SWT1: variants seen among roughly 807,000 people sequenced by gnomAD.
The protein encoded by SWT1 is SWT1 RNA endoribonuclease homolog, also known as transcriptional protein SWT1.
Under a neutral mutation model 107.3 loss-of-function variants are expected in SWT1, and 33 were observed. The ratio of observed to expected loss-of-function variants is 0.31; its 90% confidence interval spans 0.23 to 0.41. SWT1 has a LOEUF of 0.41. SWT1 is among the 10% of genes least tolerant of loss of function. SWT1 has a pLI of 1.00. For missense variants in SWT1, 898 were observed against 1,028.9 expected, an observed-to-expected ratio of 0.87 and a Z score of 1.74; for synonymous variants, 345 against 348.3, an observed-to-expected ratio of 0.99 and a Z score of 0.11.
At chr1:185,281,392 AAGTCAG>A (rs1207458356) in intron 18 of SWT1, 198 of 234,750 alleles carry the variant, frequency 8.4e-4, no homozygotes, top group African/African-American at 4.3e-3. Context: ...GAAGCTGAGG[AAGTCAG>A]AGTCAAACAC....
intron 5 of SWT1, among the ~76,000 whole-genome samples, chr1:185,179,946 G>A (rs1481361981): frequency 6.6e-6 from 1 of 152,220 alleles, no homozygotes; most frequent in Non-Finnish European, 1.5e-5. Flanking sequence ...AGTACTTCGG[G>A]AAGCTGAGGC....
intron 16 of SWT1, among the ~76,000 whole-genome samples, chr1:185,255,035 G>A (rs1235888185): frequency 4.0e-5 from 6 of 151,772 alleles, no homozygotes; most frequent in African/African-American, 1.5e-4. Flanking sequence ...ATTTCGTTAT[G>A]TACCCAGTAG....
chr1:185,279,924 T>G (rs1187750466), intron 18 of SWT1, among the ~76,000 whole-genome samples: 3 of 152,068 alleles, frequency 2.0e-5, no homozygotes, highest in Non-Finnish European at 4.4e-5. Context: ...TTTTAAAGCA[T>G]TAGTTGTAAA....
chr1:185,184,763 A>C lies in SWT1; in HGVS notation c.1261A>C (p.Ile421Leu). The change falls in exon 9 of 19, where the codon ATA becomes CTA. Residue 421 changes from isoleucine (I) to leucine (L), a missense_variant. Physicochemically the swap from Ile to Leu is conservative, Grantham distance 5 (BLOSUM62 2). Coordinates refer to ENST00000367500, the MANE Select transcript of SWT1 (RefSeq NM_017673.7). ...EVPGFDKLVL[I>L]IPWVVMQELD... Reference sequence around the variant, plus strand: ...TTTAGGTTTTGACAAACTTGTGTTAATAATTCCCTGGGTCGTTATGCAAGA... The same window carrying C: ...TTTAGGTTTTGACAAACTTGTGTTACTAATTCCCTGGGTCGTTATGCAAGA... 2 of 1,609,216 alleles carry C rather than the reference A, an allele frequency of 1.2e-6. No individual in the cohort carries two copies. Among genetic ancestry groups the C allele is most frequent in the South Asian group, 2.2e-5 (2 of 89,846 alleles).
chr1:185,190,125 GGCGTGAGCCACTGTGCCCA>G (rs1448764236), intron 9 of SWT1, among the ~76,000 whole-genome samples: 9 of 152,222 alleles, frequency 5.9e-5, no homozygotes, highest in Non-Finnish European at 1.2e-4. Context: ...TGGGATTACA[GGCGTGAGCCACTGTGCCCA>G]GCTGAGATAT....
chr1:185,283,935 T>G (rs1477134056), intron 18 of SWT1, among the ~76,000 whole-genome samples: 2 of 152,212 alleles, frequency 1.3e-5, no homozygotes, highest in East Asian at 3.8e-4. Context: ...ATAAGTAGTA[T>G]TGCTCTTTGT....
rs6698109 is a variant in SWT1, at chr1:185,202,737, A to G, written c.1607A>G (p.His536Arg). 0.34 allele frequency: 542,560 copies of G among 1,600,332 alleles called. 94,217 individuals are homozygous for G. Among genetic ancestry groups the G allele is most frequent in the South Asian group, 0.36 (31,953 of 88,764 alleles). Residue 536 changes from histidine to arginine, a missense_variant, in exon 11 of 19, where the codon CAC (histidine) becomes CGC (arginine). Coordinates refer to ENST00000367500, the MANE Select transcript of SWT1 (RefSeq NM_017673.7). ...GAAGAATTGAGTGCAGAGTTATTAC[A>G]CTTATCTCTGAACACAGATGTGTGT... is the stretch of plus-strand genomic sequence containing the variant. The part of the protein sequence containing the change: ...SKEELSAELL[H>R]LSLNTDVCHQ...
chr1:185,162,033 A>G (rs1654192265), intron 2 of SWT1, among the ~76,000 whole-genome samples: 1 of 152,150 alleles, frequency 6.6e-6, no homozygotes, highest in Admixed American at 6.5e-5. Flanking sequence ...TTCCTTGCTT[A>G]CTTACTAACT....
At chr1:185,290,047 T>A (rs1331145316) in intron 18 of SWT1, among the ~76,000 whole-genome samples, 1 of 152,026 alleles carries the variant, frequency 6.6e-6, no homozygotes, top group Non-Finnish European at 1.5e-5. Context: ...GGAGAATTGC[T>A]TGAGCCCAGG....
At chr1:185,168,108 A>T (rs1654738369) in intron 3 of SWT1, among the ~76,000 whole-genome samples, 1 of 152,158 alleles carries the variant, frequency 6.6e-6, no homozygotes, top group Admixed American at 6.6e-5. Context: ...AGTCAGACAG[A>T]TCTATTTACA....
At chr1:185,191,629 CTATCTATGAGTTTTAAAT>C (rs1239552350) in intron 10 of SWT1, among the ~76,000 whole-genome samples, 1 of 151,992 alleles carries the variant, frequency 6.6e-6, no homozygotes, top group East Asian at 1.9e-4. Context: ...TTGGAGCTTT[CTATCTATGAGTTTTAAAT>C]TATATTTTGA....
intron 13 of SWT1, among the ~76,000 whole-genome samples, chr1:185,210,847 T>C (rs1223732561): frequency 6.6e-6 from 1 of 152,118 alleles, no homozygotes; most frequent in Admixed American, 6.5e-5. Context: ...TTCAGCAAAG[T>C]CTCAGGATAC....
chr1:185,206,785 CT>C, intron 13 of SWT1, 22 bp downstream of exon 13: 1 of 1,548,502 alleles, frequency 6.5e-7, no homozygotes, highest in African/African-American at 1.4e-5. Flanking sequence ...TTATTTTTCT[CT>C]TTAGCAGTGT....
chr1:185,213,432 G>A (rs867491602), intron 13 of SWT1, among the ~76,000 whole-genome samples: 18 of 152,134 alleles, frequency 1.2e-4, no homozygotes, highest in African/African-American at 3.9e-4. Flanking sequence ...CAGAGGCTTG[G>A]CTACAACCAT....
At chr1:185,161,232 A>G (rs1016154404) in intron 2 of SWT1, among the ~76,000 whole-genome samples, 1 of 152,182 alleles carries the variant, frequency 6.6e-6, no homozygotes, top group Non-Finnish European at 1.5e-5. Flanking sequence ...AAATCCCCTC[A>G]TTCTTAGCGA....
At chr1:185,186,484 A>G (rs1231431164) in intron 9 of SWT1, among the ~76,000 whole-genome samples, 1 of 152,212 alleles carries the variant, frequency 6.6e-6, no homozygotes, top group Non-Finnish European at 1.5e-5. Flanking sequence ...AGCATTATTT[A>G]TGTAACAAAA....
At chr1:185,256,514 G>C (rs1156485284) in intron 16 of SWT1, among the ~76,000 whole-genome samples, 1 of 149,776 alleles carries the variant, frequency 6.7e-6, no homozygotes, top group Non-Finnish European at 1.5e-5. Context: ...TTGCCTTCTC[G>C]CTTCATTTCA....
At chr1:185,235,295 A>G (rs1660785877) in intron 16 of SWT1, among the ~76,000 whole-genome samples, 1 of 152,236 alleles carries the variant, frequency 6.6e-6, no homozygotes, top group Non-Finnish European at 1.5e-5. Flanking sequence ...CCTGATGAAC[A>G]TCAATGCGAA....
intron 15 of SWT1, among the ~76,000 whole-genome samples, 175 bp downstream of exon 15, chr1:185,222,211 G>GA (rs541992302): frequency 1.0e-4 from 15 of 144,448 alleles, no homozygotes; most frequent in South Asian, 4.4e-4. Flanking sequence ...AGTGTTAAGT[G>GA]AAAAAAAAAA....
Sources: gnomAD v4.1 joint callset for allele counts (sites outside exome capture counted in the v4.1 genomes callset) on GRCh38, gnomAD v4.1.1 for gene constraint, MANE v1.5 for transcripts, NCBI Gene and HGNC (gene_info 2026-07-23, HGNC 2026-07-21) for gene names.